The following CHD6 variants were observed in gnomAD, a reference collection of about 807,000 sequenced individuals.
CHD6 encodes the protein ATP-dependent chromatin remodeler CHD6.
A neutral mutation model predicts 276.9 loss-of-function variants in CHD6; 50 were observed. The observed-to-expected ratio is 0.18, with a 90% CI of 0.14 to 0.23. The LOEUF (loss-of-function observed/expected upper bound fraction) is 0.23, where lower values mean the gene tolerates loss of function less well. CHD6 is among the 10% of genes least tolerant of loss of function. The pLI, the probability that CHD6 is intolerant of heterozygous loss-of-function variation, is 1.00. For missense variants in CHD6, 2,564 were observed against 3,365.8 expected, an observed-to-expected ratio of 0.76 and a Z score of 5.89; for synonymous variants, 1,173 against 1,229.3, an observed-to-expected ratio of 0.95 and a Z score of 0.96.
At chr20:41,476,051 T>G (rs1311021310) in intron 16 of CHD6, among the ~76,000 whole-genome samples, 2 of 152,216 alleles carry the variant, frequency 1.3e-5, no homozygotes, top group East Asian at 1.9e-4. Context: ...TTGAGCCAGA[T>G]CCTCTGGCCA....
At chr20:41,500,190 A>C (rs765843184) in intron 5 of CHD6, among the ~76,000 whole-genome samples, 85 of 152,310 alleles carry the variant, frequency 5.6e-4, no homozygotes, top group Middle Eastern at 3.4e-3. Flanking sequence ...ACCATATGAA[A>C]AGAACACTCA....
chr20:41,424,067 C>T (rs557481464), intron 29 of CHD6, among the ~76,000 whole-genome samples: 1 of 135,966 alleles, frequency 7.4e-6, no homozygotes, highest in East Asian at 2.3e-4. Context: ...GCTTAAATAT[C>T]TAGCCTTATT....
At chr20:41,464,439 A>C (rs6102425) in intron 17 of CHD6, among the ~76,000 whole-genome samples, 5 of 152,206 alleles carry the variant, frequency 3.3e-5, no homozygotes, top group African/African-American at 1.2e-4. Context: ...TAGCAATTCT[A>C]AAACTACTTG....
intron 2 of CHD6, among the ~76,000 whole-genome samples, chr20:41,534,751 T>C (rs1247900581): frequency 6.6e-6 from 1 of 152,182 alleles, no homozygotes; most frequent in Non-Finnish European, 1.5e-5. Context: ...GCACTTGAGA[T>C]GGCTTTGGAA....
At chr20:41,491,261 T>C (rs900512820) in intron 11 of CHD6, among the ~76,000 whole-genome samples, 2 of 150,410 alleles carry the variant, frequency 1.3e-5, no homozygotes, top group African/African-American at 4.9e-5. Context: ...TCAAGAAGTT[T>C]TAAAATATTT....
At chr20:41,604,930 T>TG (rs1381663928) in intron 1 of CHD6, among the ~76,000 whole-genome samples, 1 of 151,948 alleles carries the variant, frequency 6.6e-6, no homozygotes, top group African/African-American at 2.4e-5. Context: ...GACAGGGAGT[T>TG]GGGGGTGGGG....
rs141130872 is a variant in CHD6, at chr20:41,612,502, CAAT to C, written c.-24+5835_-24+5837del. 7.4e-3 allele frequency among the ~76,000 whole-genome samples: 1,130 copies of C among 152,254 alleles called. 10 individuals are homozygous for C. The highest frequency in any genetic ancestry group is 0.026 in the African/African-American group (1,087 of 41,562). ...TGATCTGATTCTATCACAGGATCAA[CAAT>C]AATGATGGCTTAACTTTTTCATGCA... On this transcript the variant is annotated intron_variant, in intron 1 of 36. Coordinates refer to ENST00000373233, the MANE Select transcript of CHD6 (RefSeq NM_032221.5).
At chr20:41,580,027 G>A (rs1448502814) in intron 1 of CHD6, among the ~76,000 whole-genome samples, 1 of 152,136 alleles carries the variant, frequency 6.6e-6, no homozygotes, top group East Asian at 1.9e-4. Flanking sequence ...CTTGGTATCA[G>A]TGTAGTTAAA....
chr20:41,543,944 A>G (rs528558213), intron 2 of CHD6, among the ~76,000 whole-genome samples: 1 of 152,280 alleles, frequency 6.6e-6, no homozygotes, highest in South Asian at 2.1e-4. Context: ...GGATGAATCA[A>G]AGTTATGCAG....
At chr20:41,424,649 C>A (rs2047304346) in intron 29 of CHD6, among the ~76,000 whole-genome samples, 1 of 152,126 alleles carries the variant, frequency 6.6e-6, no homozygotes, top group African/African-American at 2.4e-5. Context: ...TTTGTTGATA[C>A]CTTCTGGTGG....
intron 1 of CHD6, among the ~76,000 whole-genome samples, chr20:41,553,640 G>C (rs1314653407): frequency 6.6e-6 from 1 of 152,224 alleles, no homozygotes; most frequent in Non-Finnish European, 1.5e-5. Context: ...ATGTGTAAGG[G>C]ATAAATACAT....
At chr20:41,551,430 A>C (rs548304669) in intron 1 of CHD6, 70 bp from the exon 2 acceptor site, 41 of 695,226 alleles carry the variant, frequency 5.9e-5, no homozygotes, top group African/African-American at 5.8e-4. Context: ...ACATCTCCAG[A>C]TTACTGTAAC....
chr20:41,516,375 T>C (rs2145981041), intron 3 of CHD6, among the ~76,000 whole-genome samples: 2 of 152,286 alleles, frequency 1.3e-5, no homozygotes, highest in Middle Eastern at 6.8e-3. Flanking sequence ...GGTTTCATCA[T>C]GTTGGCCAGG....
At position 41,566,307 on chromosome 20, in the gene CHD6, G is replaced by T. The variant is rs6102468; in HGVS notation, c.-23-14947C>A. Among the ~76,000 whole-genome samples the T allele has an allele frequency of 5.3e-5, 8 of 152,246 alleles. No individual in the cohort carries two copies. In the South Asian group the frequency reaches 1.5e-3, roughly 28 times the overall value. On this transcript the variant is annotated intron_variant, in intron 1 of 36. Coordinates refer to ENST00000373233, the MANE Select transcript of CHD6 (RefSeq NM_032221.5). ...ATTTTCTAGTACTTATTAGAGAGTAGGTAGGGGGAAAAATGAAGGGGCAGT... is the reference window on the plus strand; with the variant it reads ...ATTTTCTAGTACTTATTAGAGAGTATGTAGGGGGAAAAATGAAGGGGCAGT...
intron 30 of CHD6, among the ~76,000 whole-genome samples, chr20:41,422,576 T>G (rs965989536): frequency 3.3e-5 from 5 of 152,318 alleles, no homozygotes; most frequent in African/African-American, 1.2e-4. Flanking sequence ...ACCCAGGAGT[T>G]TGAGGTTACA....
intron 1 of CHD6, among the ~76,000 whole-genome samples, chr20:41,595,622 C>G (rs1377371414): frequency 6.6e-6 from 1 of 152,060 alleles, no homozygotes; most frequent in Non-Finnish European, 1.5e-5. Flanking sequence ...ATAACCCAAG[C>G]AGGACAGGAA....
At position 41,420,990 on chromosome 20, in the gene CHD6, A is replaced by G. The variant is rs1352249769; in HGVS notation, c.5645T>C (p.Val1882Ala). 4 of 1,614,080 alleles carry G rather than the reference A, an allele frequency of 2.5e-6. No individual in the cohort carries two copies. The highest frequency in any genetic ancestry group is 1.3e-5 in the African/African-American group (1 of 74,992). The change falls in exon 31 of 37, where the codon GTA becomes GCA. Residue 1882 changes from valine (V) to alanine (A), a missense_variant. This residue lies in a region of CHD6 where 1,024 missense variants were observed against 1,047.9 expected (regional missense o/e 0.98). Transcript: ENST00000373233. Reference protein sequence around the residue: ...ENEEENLAMAVGMGERPEVLH... With the variant: ...ENEEENLAMAAGMGERPEVLH... Reference sequence around the variant, plus strand: ...TACCTCTGGCCTTTCCCCCATGCCTACTGCCATGGCTAAGTTTTCCTCCTC... The same window carrying G: ...TACCTCTGGCCTTTCCCCCATGCCTGCTGCCATGGCTAAGTTTTCCTCCTC...
Position 41,555,035 on chromosome 20 carries a change from C to T in CHD6, c.-23-3675G>A, listed in dbSNP as rs545422341. ...CTGACCCCCCCACCTCCCTCCCGGA[C>T]GGGGCGGCTGGCCGGGTGGGGGGCT... On this transcript the variant is annotated intron_variant, in intron 1 of 36. Coordinates refer to ENST00000373233, the MANE Select transcript of CHD6 (RefSeq NM_032221.5). Among the ~76,000 whole-genome samples the T allele has an allele frequency of 8.9e-4, 131 of 146,956 alleles. 1 individual carries two copies. Among genetic ancestry groups the T allele is most frequent in the African/African-American group, 2.9e-3 (115 of 39,182 alleles).
intron 1 of CHD6, among the ~76,000 whole-genome samples, chr20:41,606,354 C>CA (rs1203939433): frequency 6.6e-6 from 1 of 152,158 alleles, no homozygotes; most frequent in Non-Finnish European, 1.5e-5. Context: ...TACTAAAAAA[C>CA]AAAAACAAAA....
Sources: gnomAD v4.1 joint callset for allele counts (sites outside exome capture counted in the v4.1 genomes callset) on GRCh38, gnomAD v4.1.1 for gene constraint, gnomAD v4.1.1 regional missense constraint, MANE v1.5 for transcripts, NCBI Gene and HGNC (gene_info 2026-07-23, HGNC 2026-07-21) for gene names.